TNXB: variants seen among roughly 807,000 people sequenced by gnomAD.
TNXB encodes the protein tenascin XB.
Under a neutral mutation model 340.5 loss-of-function variants are expected in TNXB, and 183 were observed. The ratio of observed to expected loss-of-function variants is 0.54; its 90% CI spans 0.48 to 0.61. The LOEUF is 0.61. Among genes scored for constraint, TNXB ranks in the 20% least tolerant of loss-of-function variants. TNXB has a pLI of 0.00. For missense variants in TNXB, 4,613 were observed against 5,446.4 expected, an observed-to-expected ratio of 0.85 and a Z score of 4.82; for synonymous variants, 2,121 against 2,314.5, an observed-to-expected ratio of 0.92 and a Z score of 2.40.
Position 32,081,388 on chromosome 6 carries a change from T to A in TNXB, c.4022A>T (p.Glu1341Val), listed in dbSNP as rs1779416950. Residue 1341 changes from glutamate to valine, a missense_variant, in exon 10 of 44, where the codon GAG becomes GTG. Glu to Val is a moderately radical substitution (Grantham distance 121, BLOSUM62 -2). This residue lies in a region of TNXB where 4,327 missense variants were observed against 4,859.4 expected (regional missense o/e 0.89). Coordinates refer to ENST00000644971, the MANE Select transcript of TNXB (RefSeq NM_001365276.2). This position sits in a 1 kb window ranked among gnomAD's most constrained non-coding sequence, Gnocchi z 5.1. ...CTCACCAGTCTTGGCCACCACAGAC[T>A]CGGGCCCCACACGCTGCCTGCCACG... The part of the protein sequence containing the change: ...GLRGRQRVGP[E>V]SVVAKTAPQE... 1 of 1,542,144 alleles carries A rather than the reference T, an allele frequency of 6.5e-7. No homozygotes were observed. Among genetic ancestry groups the A allele is most frequent in the African/African-American group, 1.4e-5 (1 of 72,972 alleles).
At chr6:32,065,806 T>TTTA (rs1193603573) in intron 18 of TNXB, among the ~76,000 whole-genome samples, 3 of 151,558 alleles carry the variant, frequency 2.0e-5, no homozygotes, top group East Asian at 1.9e-4. Flanking sequence ...CTTTTTAAAA[T>TTTA]TTATTATTAT....
At position 32,061,820 on chromosome 6, in the gene TNXB, A is replaced by G. The variant is rs1778036003; in HGVS notation, c.7169-100T>C. 6.8e-7 allele frequency: 1 copy of G among 1,473,700 alleles called. No homozygotes were observed. The highest frequency in any genetic ancestry group is 1.4e-5 in the African/African-American group (1 of 71,434). The allele number at this position is 1,473,700 out of a possible 1,614,324, so 91.3% of individuals were successfully genotyped here. A position where few individuals can be genotyped will look rare whatever the true frequency, so the allele number is the denominator to read the frequency against. On this transcript the variant is annotated intron_variant, in intron 20 of 43. Transcript: ENST00000644971. The surrounding 1 kb of genome is among the most constrained non-coding windows in gnomAD (Gnocchi z 4.4). ...AAGGCTATGACTAGGGGACATATGAAATAGCCAAGGCTATGACTAGGGGAC... is the reference window on the plus strand; with the variant it reads ...AAGGCTATGACTAGGGGACATATGAGATAGCCAAGGCTATGACTAGGGGAC...
At chr6:32,054,745 G>A (rs1562800791) in intron 24 of TNXB, among the ~76,000 whole-genome samples, 2 of 152,160 alleles carry the variant, frequency 1.3e-5, no homozygotes, top group East Asian at 3.8e-4. Context: ...ATGAACTTGT[G>A]TGTGTCACTT....
At chr6:32,071,192 A>G (rs1778750290) in intron 13 of TNXB, among the ~76,000 whole-genome samples, 1 of 152,192 alleles carries the variant, frequency 6.6e-6, no homozygotes, top group Non-Finnish European at 1.5e-5. Context: ...GGAAAGGGGC[A>G]CAGCTGGGCT....
rs1779580935 is a variant in TNXB at position 32,083,252 on chromosome 6, G to C, written c.3446-926C>G. 6.6e-6 allele frequency among the ~76,000 whole-genome samples: 1 copy of C among 152,098 alleles called. No individual in the cohort carries two copies. Among genetic ancestry groups the C allele is most frequent in the South Asian group, 2.1e-4 (1 of 4,824 alleles). ...AGTCACTCCGCAAGCTACCCTGTGG[G>C]CTCTTCTTCCTCTGCCTCCGCTGTG... On this transcript the variant is annotated intron_variant, in intron 8 of 43. Coordinates refer to ENST00000644971, the MANE Select transcript of TNXB (RefSeq NM_001365276.2). The surrounding 1 kb of genome is among the most constrained non-coding windows in gnomAD (Gnocchi z 4.6).
chr6:32,056,954 T>C (rs1484416689), intron 22 of TNXB, 51 bp from the exon 23 acceptor site: 20 of 1,595,652 alleles, frequency 1.3e-5, no homozygotes, highest in Non-Finnish European at 1.6e-5. Flanking sequence ...GGCTCCTCAG[T>C]TCAGCATAGA....
In TNXB at chr6:32,089,984, C is replaced by T. The variant is rs1264522496; in HGVS notation, c.2359-605G>A. ...GGGTCTGCCTCACCCTGAACCTCCTCGTAGATGCCTGCTCATGGCTGTGTA... is the reference window on the plus strand; with the variant it reads ...GGGTCTGCCTCACCCTGAACCTCCTTGTAGATGCCTGCTCATGGCTGTGTA... On this transcript the variant is annotated intron_variant, in intron 4 of 43. Transcript: ENST00000644971. This position sits in a 1 kb window ranked among gnomAD's most constrained non-coding sequence, Gnocchi z 6.2. 6.6e-6 allele frequency among the ~76,000 whole-genome samples: 1 copy of T among 152,204 alleles called. No individual in the cohort carries two copies. The highest frequency in any genetic ancestry group is 1.5e-5 in the Non-Finnish European group (1 of 68,028).
chr6:32,067,545 T>C lies in TNXB; in HGVS notation c.6544+116A>G. ...GATCACACCTGTCCTGAGCCTTTAG[T>C]GAACAGGGTGTATTACAGGTTTGAG... On this transcript the variant is annotated intron_variant, in intron 18 of 43. Coordinates refer to ENST00000644971, the MANE Select transcript of TNXB (RefSeq NM_001365276.2). The surrounding 1 kb of genome is among the most constrained non-coding windows in gnomAD (Gnocchi z 4.2). 1 of 1,345,686 alleles carries C rather than the reference T, an allele frequency of 7.4e-7. No individual in the cohort carries two copies. The highest frequency in any genetic ancestry group is 2.8e-5 in the Admixed American group (1 of 36,352). 83.4% of individuals were successfully genotyped at this position (1,345,686 alleles called of 1,614,324 possible).
rs1582393914 is a variant in TNXB at position 32,064,464 on chromosome 6, T to G, written c.6841+357A>C. ...CCTGACCTCAAGTGATCTGCCCCCT[T>G]CGGCCTCCCAAAGTGCTGGGATTAC... On this transcript the variant is annotated intron_variant, in intron 19 of 43. Coordinates refer to ENST00000644971, the MANE Select transcript of TNXB (RefSeq NM_001365276.2). The surrounding 1 kb of genome is among the most constrained non-coding windows in gnomAD (Gnocchi z 5.3). 6.6e-6 allele frequency among the ~76,000 whole-genome samples: 1 copy of G among 152,332 alleles called. No homozygotes were observed. The highest frequency in any genetic ancestry group is 6.5e-5 in the Admixed American group (1 of 15,304).
In TNXB at chr6:32,083,234, C is replaced by A. The variant is rs1036888660; in HGVS notation, c.3446-908G>T. On this transcript the variant is annotated intron_variant, in intron 8 of 43. Coordinates refer to ENST00000644971, the MANE Select transcript of TNXB (RefSeq NM_001365276.2). The surrounding 1 kb of genome is among the most constrained non-coding windows in gnomAD (Gnocchi z 4.6). Reference sequence around the variant, plus strand: ...GTTCTGCCCCTCCCTGCAAGTCACTCCGCAAGCTACCCTGTGGGCTCTTCT... The same window carrying A: ...GTTCTGCCCCTCCCTGCAAGTCACTACGCAAGCTACCCTGTGGGCTCTTCT... 6.6e-6 allele frequency among the ~76,000 whole-genome samples: 1 copy of A among 152,182 alleles called. No individual in the cohort carries two copies. The highest frequency in any genetic ancestry group is 1.5e-5 in the Non-Finnish European group (1 of 68,030).
Position 32,097,195 on chromosome 6 carries a change from C to T in TNXB, c.658G>A (p.Gly220Arg), listed in dbSNP as rs778734003. ...CAGCGCCCACGGCCTTGGCAGTCCC[C>T]GGGACAGGATGGCCAGCCACAGCTG... ...GPSCGWPSCP[G>R]DCQGRGRCVQ... is the part of the protein sequence containing the mutation. The change falls in exon 3 of 44, where the codon GGG becomes AGG. Residue 220 changes from glycine to arginine, a missense_variant. Physicochemically the swap from Gly to Arg is moderately radical, Grantham distance 125. Around this residue, in one of 7 missense-constraint regions of TNXB, gnomAD observed 4,327 missense variants for 4,859.4 expected, o/e 0.89. Transcript: ENST00000644971. The surrounding 1 kb of genome is among the most constrained non-coding windows in gnomAD (Gnocchi z 5.9). 5.6e-6 allele frequency: 9 copies of T among 1,595,106 alleles called. No individual in the cohort carries two copies. Among genetic ancestry groups the T allele is most frequent in the South Asian group, 3.4e-5 (3 of 88,826 alleles).
intron 1 of TNXB, among the ~76,000 whole-genome samples, chr6:32,100,653 G>A (rs1394215958): frequency 1.3e-5 from 2 of 152,034 alleles, no homozygotes; most frequent in African/African-American, 2.4e-5. Context: ...TTGAGTCTGG[G>A]AGGTCGAGGC....
In TNXB at chr6:32,090,414, C is replaced by T. The variant is rs538989886; in HGVS notation, c.2359-1035G>A. 9.2e-5 allele frequency among the ~76,000 whole-genome samples: 14 copies of T among 152,338 alleles called. No homozygotes were observed. The highest frequency in any genetic ancestry group is 2.1e-4 in the Non-Finnish European group (14 of 68,042). On this transcript the variant is annotated intron_variant, in intron 4 of 43. Coordinates refer to ENST00000644971, the MANE Select transcript of TNXB (RefSeq NM_001365276.2). This position sits in a 1 kb window ranked among gnomAD's most constrained non-coding sequence, Gnocchi z 4.3. ...CCTGGAATGCCCACCACTGGGGAAACAGGAGGAACTGTACATCTGTGAGCA... is the reference window on the plus strand; with the variant it reads ...CCTGGAATGCCCACCACTGGGGAAATAGGAGGAACTGTACATCTGTGAGCA...
Position 32,095,743 on chromosome 6 carries a change from C to T in TNXB, c.2110G>A (p.Val704Met), listed in dbSNP as rs1780295444. 1.2e-6 allele frequency: 2 copies of T among 1,614,016 alleles called. No individual in the cohort carries two copies. The highest frequency in any genetic ancestry group is 1.7e-6 in the Non-Finnish European group (2 of 1,179,876). The change falls in exon 3 of 44, where the codon GTG becomes ATG. Residue 704 changes from valine to methionine, a missense_variant. Transcript: ENST00000644971. ...PRELCRAGQC[V>M]CVEGFRGPDC... is the part of the protein sequence containing the mutation. ...GGGCCTCGGAAGCCCTCTACACACA[C>T]ACACTGGCCTGCCCGGCACAGTTCC...
chr6:32,061,509 C>T lies in TNXB; in HGVS notation c.7380G>A (p.Glu2460=). 1 of 1,613,574 alleles carries T rather than the reference C, an allele frequency of 6.2e-7. No individual in the cohort carries two copies. The highest frequency in any genetic ancestry group is 8.5e-7 in the Non-Finnish European group (1 of 1,179,860). The part of the protein sequence containing the change: ...GRPQVVRVGG[E]ESEVTVGGLE... ...GGCCCCCCACGGTGACCTCGCTCTC[C>T]TCGCCCCCAACACGCACCACCTGGG... Residue 2460 remains glutamate (E), a synonymous_variant, in exon 21 of 44, where the codon GAG becomes GAA. Transcript: ENST00000644971. The surrounding 1 kb of genome is among the most constrained non-coding windows in gnomAD (Gnocchi z 4.4).
chr6:32,057,352 A>C (rs1183818607), intron 22 of TNXB, among the ~76,000 whole-genome samples: 3 of 151,840 alleles, frequency 2.0e-5, no homozygotes, highest in Non-Finnish European at 4.4e-5. Flanking sequence ...GAGCATCTTT[A>C]CCCTGAATTC....
rs190169562 is a variant in TNXB, at chr6:32,058,565, C to G, written c.7493-175G>C. On this transcript the variant is annotated intron_variant, in intron 21 of 43. Coordinates refer to ENST00000644971, the MANE Select transcript of TNXB (RefSeq NM_001365276.2). This position sits in a 1 kb window ranked among gnomAD's most constrained non-coding sequence, Gnocchi z 5.1. ...GGAATAAGAGCCGGTGAGGTATCCC[C>G]GAGCCCCCGGCCTGTACTGCTGGCA... is the stretch of plus-strand genomic sequence containing the variant. 2.0e-5 allele frequency among the ~76,000 whole-genome samples: 3 copies of G among 151,748 alleles called. No homozygotes were observed. The highest frequency in any genetic ancestry group is 1.9e-4 in the East Asian group (1 of 5,192).
Position 32,052,529 on chromosome 6 carries a change from C to T in TNXB, c.9115+141G>A. 1 of 1,187,254 alleles carries T rather than the reference C, an allele frequency of 8.4e-7. No homozygotes were observed. Among genetic ancestry groups the T allele is most frequent in the East Asian group, 2.5e-5 (1 of 39,244 alleles). 73.5% of individuals were successfully genotyped at this position (1,187,254 alleles called of 1,614,324 possible). On this transcript the variant is annotated intron_variant, in intron 26 of 43. Coordinates refer to ENST00000644971, the MANE Select transcript of TNXB (RefSeq NM_001365276.2). The surrounding 1 kb of genome is among the most constrained non-coding windows in gnomAD (Gnocchi z 4.7). The stretch of plus-strand genomic sequence containing the variant: ...TAGGCCAAGCCTGCTGAATCCAAAT[C>T]TGCTTTTTAACAAAAATCTCCAGGC...
rs7766862 is a variant in TNXB at position 32,065,230 on chromosome 6, G to A, written c.6545-113C>T. ...CCCAGTCTGGCCCTAACTTAAGATC[G>A]ATTTCTGATTATAATCATAATCAGA... On this transcript the variant is annotated intron_variant, in intron 18 of 43. Coordinates refer to ENST00000644971, the MANE Select transcript of TNXB (RefSeq NM_001365276.2). The A allele has an allele frequency of 0.3, 274,771 of 930,090 alleles. 44,530 individuals carry two copies. The highest frequency in any genetic ancestry group is 0.4 in the Admixed American group (13,525 of 34,144). 57.6% of individuals were successfully genotyped at this position (930,090 alleles called of 1,614,324 possible).
Sources: gnomAD v4.1 joint callset for allele counts (sites outside exome capture counted in the v4.1 genomes callset) on GRCh38, gnomAD v4.1.1 for gene constraint, gnomAD v4.1.1 regional missense constraint, Gnocchi (gnomAD v3.1) non-coding constraint, MANE v1.5 for transcripts, NCBI Gene and HGNC (gene_info 2026-07-23, HGNC 2026-07-21) for gene names.